Variants in CRB2 observed in about 807,000 individuals in gnomAD.
The protein encoded by CRB2 is protein crumbs homolog 2.
Under a neutral mutation model 110.9 loss-of-function variants are expected in CRB2, and 85 were observed. The observed-to-expected ratio is 0.77, with a 90% CI of 0.64 to 0.92. The LOEUF (loss-of-function observed/expected upper bound fraction) is 0.92. Ranked by LOEUF, CRB2 falls within the 40% of genes least tolerant of loss-of-function variation. The pLI is 0.00. For synonymous variants in CRB2, 907 were observed against 831.0 expected, an observed-to-expected ratio of 1.09 and a Z score of -1.57; for missense variants, 1,843 against 1,851.3, an observed-to-expected ratio of 1.00 and a Z score of 0.08.
chr9:123,367,489 G>A, intron 5 of CRB2, 84 bp from the exon 6 acceptor site: 1 of 1,269,520 alleles, frequency 7.9e-7, no homozygotes, highest in Non-Finnish European at 1.1e-6. Context: ...CTTGGACTCA[G>A]TCTCTCTAGC....
At chr9:123,367,097 G>T (rs555833231) in intron 4 of CRB2, 75 bp from the exon 5 acceptor site, 53 of 1,452,030 alleles carry the variant, frequency 3.7e-5, no homozygotes, top group Non-Finnish European at 4.7e-5. Context: ...GCTGGCCCTC[G>T]CTAGCCTGGT....
Position 123,373,180 on chromosome 9 carries a change from C to G in CRB2, c.2649C>G (p.Ser883Arg). 1 of 1,514,300 alleles carries G rather than the reference C, an allele frequency of 6.6e-7. No homozygotes were observed. Among genetic ancestry groups the G allele is most frequent in the East Asian group, 2.7e-5 (1 of 37,152 alleles). The allele number at this position is 1,514,300 out of a possible 1,614,324, so 93.8% of individuals were successfully genotyped here. The change falls in exon 10 of 13, where the codon AGC (serine) becomes AGG (arginine). Residue 883 changes from serine to arginine, a missense_variant. Physicochemically the swap from Ser to Arg is moderately radical, Grantham distance 110. Transcript: ENST00000373631. ...TFREGPPAAF[S>R]GHNASSGRLL... The stretch of plus-strand genomic sequence containing the variant: ...GCGAGGGTCCCCCCGCCGCGTTCAG[C>G]GGGCACAACGCGTCGTCAGGGCGCT...
chr9:123,361,052 A>G (rs899774430), intron 1 of CRB2, among the ~76,000 whole-genome samples: 3 of 149,614 alleles, frequency 2.0e-5, no homozygotes, highest in Admixed American at 1.3e-4. Flanking sequence ...CCCGCCCCCC[A>G]GGATCCTTTC....
At position 123,374,098 on chromosome 9, in the gene CRB2, ACAAC is replaced by A. The variant is rs970078085; in HGVS notation, c.3389+181_3389+184del. Reference sequence around the variant, plus strand: ...TTCCTGATAAAATACAGATCAAAACACAACCAGTTAGCCTGGAATTTCAGATAAA... The same window carrying A: ...TTCCTGATAAAATACAGATCAAAACACAGTTAGCCTGGAATTTCAGATAAA... On this transcript the variant is annotated intron_variant, in intron 10 of 12. Coordinates refer to ENST00000373631, the MANE Select transcript of CRB2 (RefSeq NM_173689.7). 17 of 911,626 alleles carry A rather than the reference ACAAC, an allele frequency of 1.9e-5. No individual in the cohort carries two copies. In the Admixed American group the frequency reaches 3.5e-4, roughly 19 times the overall value. 56.5% of individuals were successfully genotyped at this position (911,626 alleles called of 1,614,324 possible).
Position 123,363,085 on chromosome 9 carries a change from C to G in CRB2, c.315C>G (p.Cys105Trp). The G allele has an allele frequency of 1.9e-6, 3 of 1,611,496 alleles. No individual in the cohort carries two copies. Among genetic ancestry groups the G allele is most frequent in the Non-Finnish European group, 2.5e-6 (3 of 1,179,928 alleles). ...TGCCGGGTTTCCAGGGCCCACGCTG[C>G]GAGCTGGACATCGATGAGTGTGCAT... ...YCVPGFQGPR[C>W]ELDIDECASR... Residue 105 changes from cysteine to tryptophan, a missense_variant, in exon 2 of 13, where the codon TGC (cysteine) becomes TGG (tryptophan). Transcript: ENST00000373631.
intron 6 of CRB2, chr9:123,368,902 C>G (rs560991157): frequency 7.9e-7 from 1 of 1,267,058 alleles, no homozygotes; most frequent in African/African-American, 1.5e-5. Context: ...GCAATGGAGC[C>G]GGGGGCTCTG....
Position 123,367,372 on chromosome 9 carries a change from G to A in CRB2, c.940+15G>A, listed in dbSNP as rs1224109534. 14 of 1,594,676 alleles carry A rather than the reference G, an allele frequency of 8.8e-6. No individual in the cohort carries two copies. The highest frequency in any genetic ancestry group is 2.1e-4 in the Middle Eastern group (1 of 4,790). On this transcript the variant is annotated intron_variant, in intron 5 of 12. Transcript: ENST00000373631. The stretch of plus-strand genomic sequence containing the variant: ...TGGCTTTGAGGGTGAGCCCCTGCTG[G>A]GGAAGCGGTCAGCCCATGTCCAGAT...
intron 6 of CRB2, among the ~76,000 whole-genome samples, chr9:123,368,175 C>G (rs1460128125): frequency 6.6e-6 from 1 of 152,098 alleles, no homozygotes; most frequent in Non-Finnish European, 1.5e-5. Flanking sequence ...CGTCCCTGCC[C>G]CCTCTGGAAT....
In CRB2 at chr9:123,373,246, C is replaced by G. The variant is rs767145531; in HGVS notation, c.2715C>G (p.Ser905=). The change falls in exon 10 of 13, where the codon TCC becomes TCG. Residue 905 remains serine (S), a synonymous_variant. Transcript: ENST00000373631. ...GLSLAFRTRD[S]EAWLLRAAAG... is the part of the protein sequence containing the mutation. ...CGCTGGCCTTTCGCACGCGCGACTCCGAGGCCTGGCTGCTGCGTGCCGCGG... is the reference window on the plus strand; with the variant it reads ...CGCTGGCCTTTCGCACGCGCGACTCGGAGGCCTGGCTGCTGCGTGCCGCGG... 2.9e-5 allele frequency: 43 copies of G among 1,502,106 alleles called. 2 individuals are homozygous for G. The South Asian group carries it at 5.3e-4, about 19-fold the overall frequency. The allele number at this position is 1,502,106 out of a possible 1,614,324, so 93.0% of individuals were successfully genotyped here. A position where few individuals can be genotyped will look rare whatever the true frequency, so the allele number is the denominator to read the frequency against.
In CRB2 at chr9:123,373,660, T is replaced by A; in HGVS notation, c.3129T>A (p.Ser1043=). The stretch of plus-strand genomic sequence containing the variant: ...CTGGCGCCCGAGAGCACTTCGCGTC[T>A]TGGCCTGGGACGCCGGCCCCGATCC... ...AAPGAREHFA[S]WPGTPAPILG... Residue 1043 remains serine (S), a synonymous_variant, in exon 10 of 13, where the codon TCT becomes TCA. Transcript: ENST00000373631. The A allele has an allele frequency of 7.0e-7, 1 of 1,429,664 alleles. No homozygotes were observed. The allele number at this position is 1,429,664 out of a possible 1,614,324, so 88.6% of individuals were successfully genotyped here. A position where few individuals can be genotyped will look rare whatever the true frequency, so the allele number is the denominator to read the frequency against.
At chr9:123,372,064 G>GA in intron 8 of CRB2, 113 bp from the exon 9 acceptor site, 2 of 1,046,344 alleles carry the variant, frequency 1.9e-6, no homozygotes, top group South Asian at 3.0e-5. Context: ...CCTCGTTTGT[G>GA]AGGAGATACT....
At position 123,373,885 on chromosome 9, in the gene CRB2, C is replaced by T; in HGVS notation, c.3354C>T (p.Cys1118=). Residue 1118 remains cysteine (C), a synonymous_variant, in exon 10 of 13, where the codon TGC becomes TGT. Transcript: ENST00000373631. ...CGCACCCCGACGGCCGCTTCGAGTG[C>T]CGCTGCCCGCCTGGCTTCGGGGGCC... ...CHTHPDGRFE[C]RCPPGFGGPR... The T allele has an allele frequency of 6.5e-7, 1 of 1,548,472 alleles. No individual in the cohort carries two copies.
chr9:123,359,277 C>T (rs570724378), intron 1 of CRB2, among the ~76,000 whole-genome samples: 1 of 151,920 alleles, frequency 6.6e-6, no homozygotes, highest in South Asian at 2.1e-4. Flanking sequence ...GCCTTGGGGC[C>T]CAGGGATATT....
intron 12 of CRB2, 40 bp from the exon 13 acceptor site, chr9:123,376,798 T>A: frequency 6.4e-7 from 1 of 1,559,866 alleles, no homozygotes. Context: ...CGTCCTCCCC[T>A]TCTCTGCGGT....
chr9:123,357,247 TG>T (rs1212304068), intron 1 of CRB2, among the ~76,000 whole-genome samples: 1 of 152,058 alleles, frequency 6.6e-6, no homozygotes, highest in South Asian at 2.1e-4. Context: ...GAATTCCTCC[TG>T]GGGGGTCCAA....
In CRB2 at chr9:123,377,266, C is replaced by T. The variant is rs1347523658; in HGVS notation, c.*204C>T. The T allele has an allele frequency of 1.2e-5, 7 of 576,944 alleles. No individual in the cohort carries two copies. Among genetic ancestry groups the T allele is most frequent in the Non-Finnish European group, 1.8e-5 (6 of 329,750 alleles). 35.7% of individuals were successfully genotyped at this position (576,944 alleles called of 1,614,324 possible). A position where few individuals can be genotyped will look rare whatever the true frequency, so the allele number is the denominator to read the frequency against. On this transcript the variant is annotated 3_prime_UTR_variant, in exon 13 of 13. Transcript: ENST00000373631. ...AGAGGCCTAGAGAGGCTGCGGACTT[C>T]TCCATCCCACCCTCGGGGTTCCGCC...
At chr9:123,372,985 C>T (rs1188153605) in intron 9 of CRB2, 149 bp from the exon 10 acceptor site, 7 of 609,246 alleles carry the variant, frequency 1.1e-5, no homozygotes, top group Admixed American at 7.8e-5. Flanking sequence ...GTGGTGGGGG[C>T]GGCTGCAGTT....
chr9:123,367,626 G>T lies in CRB2; in HGVS notation c.994G>T (p.Gly332Ter), dbSNP rs779805981. The change falls in exon 6 of 13, where the codon GGA becomes TGA. Residue 332 changes from glycine to a stop codon, truncating the protein, a stop_gained. Transcript: ENST00000373631. LOFTEE classifies it high-confidence loss of function. ...DECASRPCLN[G>*]GHCQDLPNGF... ...GTGTGCCTCACGGCCATGCCTCAACGGAGGCCACTGCCAGGACCTGCCCAA... is the reference window on the plus strand; with the variant it reads ...GTGTGCCTCACGGCCATGCCTCAACTGAGGCCACTGCCAGGACCTGCCCAA... 1 of 1,570,584 alleles carries T rather than the reference G, an allele frequency of 6.4e-7. No individual in the cohort carries two copies.
In CRB2 at chr9:123,372,350, T is replaced by C. The variant is rs771483481; in HGVS notation, c.2602+8T>C. The C allele has an allele frequency of 9.5e-6, 15 of 1,585,592 alleles. No individual in the cohort carries two copies. Among genetic ancestry groups the C allele is most frequent in the South Asian group, 1.2e-5 (1 of 84,754 alleles). ...TCCCTGATGGCTTTGTGTGTGAGTGTGTGTCCTGGGCAGCTCCCGTGCTGG... is the reference window on the plus strand; with the variant it reads ...TCCCTGATGGCTTTGTGTGTGAGTGCGTGTCCTGGGCAGCTCCCGTGCTGG... On this transcript the variant is annotated splice_region_variant and intron_variant, in intron 9 of 12. Transcript: ENST00000373631.
Sources: allele counts gnomAD v4.1 joint callset (sites outside exome capture counted in the v4.1 genomes callset), GRCh38; gene constraint gnomAD v4.1.1; transcripts MANE v1.5; gene names NCBI Gene and HGNC (gene_info 2026-07-23, HGNC 2026-07-21).